The following RPS6KA2 variants were observed in gnomAD, a reference collection of about 807,000 sequenced individuals.
The protein encoded by RPS6KA2 is ribosomal protein S6 kinase alpha-2.
In RPS6KA2, 42 loss-of-function variants were observed where a neutral mutation model predicts 91.8. That is an observed-to-expected ratio of 0.46 (90% CI 0.36 to 0.59). The LOEUF (loss-of-function observed/expected upper bound fraction) is 0.59, where lower values mean the gene tolerates loss of function less well. Ranked by LOEUF, RPS6KA2 falls within the 20% of genes least tolerant of loss-of-function variation. The probability of loss-of-function intolerance (pLI) is 0.00; values close to 1 mark genes in which losing one functional copy is unlikely to be tolerated. For synonymous variants in RPS6KA2, 414 were observed against 393.6 expected, an observed-to-expected ratio of 1.05 and a Z score of -0.61; for missense variants, 798 against 978.5, an observed-to-expected ratio of 0.82 and a Z score of 2.46.
At chr6:166,741,386 C>T (rs569564915) in intron 2 of RPS6KA2, among the ~76,000 whole-genome samples, 10 of 152,224 alleles carry the variant, frequency 6.6e-5, no homozygotes, top group Non-Finnish European at 1.2e-4. Context: ...GATTCTGGCT[C>T]GCCAGGGACT....
chr6:166,449,896 G>A (rs1278735683), intron 13 of RPS6KA2, among the ~76,000 whole-genome samples: 3 of 141,242 alleles, frequency 2.1e-5, no homozygotes, highest in South Asian at 4.6e-4. Flanking sequence ...GGACAACCAC[G>A]AGGACCACCA....
Position 166,433,463 on chromosome 6 carries a change from G to C in RPS6KA2, c.1333-973C>G, listed in dbSNP as rs192777303. 6.6e-6 allele frequency among the ~76,000 whole-genome samples: 1 copy of C among 152,158 alleles called. No individual in the cohort carries two copies. The highest frequency in any genetic ancestry group is 1.5e-5 in the Non-Finnish European group (1 of 68,026). ...ATCCCTCTGGAGGTGCCTAAGTCCC[G>C]CCCTTGCCGCCCCTGCTGTGGGGAC... On this transcript the variant is annotated intron_variant, in intron 14 of 20. Coordinates refer to ENST00000265678, the MANE Select transcript of RPS6KA2 (RefSeq NM_021135.6). This position sits in a 1 kb window ranked among gnomAD's most constrained non-coding sequence, Gnocchi z 4.4.
intron 2 of RPS6KA2, chr6:166,702,943 C>T (rs1789569907): frequency 3.3e-6 from 2 of 603,994 alleles, no homozygotes; most frequent in South Asian, 2.0e-5. Flanking sequence ...CGTCTTCTCG[C>T]CTTTAAAATA....
chr6:166,430,913 T>C (rs1779107056), intron 15 of RPS6KA2, among the ~76,000 whole-genome samples: 1 of 152,012 alleles, frequency 6.6e-6, no homozygotes, highest in Non-Finnish European at 1.5e-5. Context: ...CCAGGAGATA[T>C]TTGTTATTTA....
At chr6:166,861,514 A>T (rs1781046422) in intron 1 of RPS6KA2, among the ~76,000 whole-genome samples, 2 of 152,232 alleles carry the variant, frequency 1.3e-5, no homozygotes, top group South Asian at 4.1e-4. Flanking sequence ...CTCAGCAGTG[A>T]TTCCTGCACA....
rs73263066 is a variant in RPS6KA2, at chr6:166,750,796, G to A, written c.123+107404C>T. 8.2e-3 allele frequency among the ~76,000 whole-genome samples: 1,256 copies of A among 152,322 alleles called. 22 individuals carry two copies. The highest frequency in any genetic ancestry group is 0.028 in the African/African-American group (1,180 of 41,570). Reference sequence around the variant, plus strand: ...ACTGAGGAGGTCAGGAACTCTAGCTGAGAATTGGTCTAAAGCAATGGAAAT... The same window carrying A: ...ACTGAGGAGGTCAGGAACTCTAGCTAAGAATTGGTCTAAAGCAATGGAAAT... On this transcript the variant is annotated intron_variant, in intron 2 of 21. Coordinates refer to the RPS6KA2 transcript ENST00000503859.
intron 1 of RPS6KA2, among the ~76,000 whole-genome samples, chr6:166,617,431 A>G (rs539776702): frequency 6.6e-6 from 1 of 152,338 alleles, no homozygotes; most frequent in Admixed American, 6.5e-5. Flanking sequence ...ACACTAGATC[A>G]GCTATATTGT....
intron 1 of RPS6KA2, among the ~76,000 whole-genome samples, chr6:166,611,336 C>T (rs749876791): frequency 2.0e-5 from 3 of 152,200 alleles, no homozygotes; most frequent in Non-Finnish European, 4.4e-5. Flanking sequence ...CAGATTCATG[C>T]CCCTCTGCTC....
chr6:166,685,445 C>T (rs1174475054), intron 2 of RPS6KA2, among the ~76,000 whole-genome samples: 1 of 152,216 alleles, frequency 6.6e-6, no homozygotes, highest in Admixed American at 6.5e-5. Context: ...CCCACTTGTC[C>T]TCCCTCAGAC....
chr6:166,482,636 G>A (rs1583191051), intron 10 of RPS6KA2, among the ~76,000 whole-genome samples: 1 of 152,244 alleles, frequency 6.6e-6, no homozygotes, highest in Non-Finnish European at 1.5e-5. Flanking sequence ...TTCGGGCGAT[G>A]ATGAGGAAAC....
At chr6:166,477,295 G>A (rs960606746) in intron 10 of RPS6KA2, among the ~76,000 whole-genome samples, 4 of 152,126 alleles carry the variant, frequency 2.6e-5, no homozygotes, top group African/African-American at 4.8e-5. Flanking sequence ...ATCTTGGCCC[G>A]AGGTGAGCCA....
At chr6:166,605,739 G>A (rs1188135568) in intron 1 of RPS6KA2, among the ~76,000 whole-genome samples, 1 of 152,144 alleles carries the variant, frequency 6.6e-6, no homozygotes, top group African/African-American at 2.4e-5. Context: ...ATTCAACTGA[G>A]ATCTTTCAAA....
intron 1 of RPS6KA2, among the ~76,000 whole-genome samples, chr6:166,590,746 C>T (rs1583306950): frequency 6.6e-6 from 1 of 151,940 alleles, no homozygotes. Flanking sequence ...CACAATAAAA[C>T]TCATTTTAAA....
chr6:166,717,636 C>T (rs949894804), intron 2 of RPS6KA2, among the ~76,000 whole-genome samples: 10 of 152,174 alleles, frequency 6.6e-5, no homozygotes, highest in African/African-American at 1.7e-4. Flanking sequence ...GCACAGCACA[C>T]GTTCCATCCA....
At chr6:166,458,553 A>G (rs1780176164) in intron 12 of RPS6KA2, among the ~76,000 whole-genome samples, 1 of 152,218 alleles carries the variant, frequency 6.6e-6, no homozygotes, top group Non-Finnish European at 1.5e-5. Context: ...ACTGAAGTTA[A>G]GTGAGGATAA....
Position 166,510,303 on chromosome 6 carries a change from T to C in RPS6KA2, c.353A>G (p.His118Arg). 6.2e-7 allele frequency: 1 copy of C among 1,604,218 alleles called. No homozygotes were observed. Among genetic ancestry groups the C allele is most frequent in the Non-Finnish European group, 8.5e-7 (1 of 1,173,786 alleles). Residue 118 changes from histidine (H) to arginine (R), a missense_variant, in exon 4 of 21, where the codon CAC (histidine) becomes CGC (arginine). Coordinates refer to ENST00000265678, the MANE Select transcript of RPS6KA2 (RefSeq NM_021135.6). ...ATAATGAAGCTTCACAATGAAGGGGTGATTCACTTCTGCCAAGATGTCTCT... is the reference window on the plus strand; with the variant it reads ...ATAATGAAGCTTCACAATGAAGGGGCGATTCACTTCTGCCAAGATGTCTCT... Reference protein sequence around the residue: ...MERDILAEVNHPFIVKLHYAF... With the variant: ...MERDILAEVNRPFIVKLHYAF...
At chr6:166,432,752 A>C (rs1210315960) in intron 14 of RPS6KA2, among the ~76,000 whole-genome samples, 2 of 152,148 alleles carry the variant, frequency 1.3e-5, no homozygotes, top group Non-Finnish European at 2.9e-5. Context: ...GCACTTTGGG[A>C]GGCCGGGGTG....
In RPS6KA2 at chr6:166,812,731, T is replaced by C. The variant is rs575635405; in HGVS notation, c.123+45469A>G. Among the ~76,000 whole-genome samples the C allele has an allele frequency of 2.6e-5, 4 of 152,340 alleles. No homozygotes were observed. In the East Asian group the frequency reaches 7.7e-4, roughly 29 times the overall value. On this transcript the variant is annotated intron_variant, in intron 2 of 21. Coordinates refer to the RPS6KA2 transcript ENST00000503859. ...AAAACTTAAAATATTTTTAAGAACC[T>C]ACTTATTTGCATGTTTTCTAGTGAC...
chr6:166,691,849 G>A (rs566850247), intron 2 of RPS6KA2, among the ~76,000 whole-genome samples: 1 of 152,250 alleles, frequency 6.6e-6, no homozygotes, highest in South Asian at 2.1e-4. Context: ...CCCTTACACG[G>A]GGAAAGGAAA....
Sources: gnomAD v4.1 joint callset for allele counts (sites outside exome capture counted in the v4.1 genomes callset) on GRCh38, gnomAD v4.1.1 for gene constraint, Gnocchi (gnomAD v3.1) non-coding constraint, MANE v1.5 for transcripts, NCBI Gene and HGNC (gene_info 2026-07-23, HGNC 2026-07-21) for gene names.